Variants in FRMD8 observed in about 807,000 individuals in gnomAD.
The protein encoded by FRMD8 is FERM domain containing 8.
Under a neutral mutation model 54.2 loss-of-function variants are expected in FRMD8, and 37 were observed. The ratio of observed to expected loss-of-function variants is 0.68; its 90% CI spans 0.53 to 0.90. FRMD8 has a LOEUF of 0.90. Among genes scored for constraint, FRMD8 ranks in the 40% least tolerant of loss-of-function variants. FRMD8 has a pLI of 0.00. For synonymous variants in FRMD8, 246 were observed against 286.9 expected (o/e 0.86, Z 1.44); for missense variants, 585 against 653.7 (o/e 0.89, Z 1.15).
At chr11:65,371,006 G>A in the FRMD8 span, among the ~76,000 whole-genome samples, 1 of 152,210 alleles carries the variant, frequency 6.6e-6, no homozygotes, top group South Asian at 2.1e-4. Flanking sequence ...GCATCGGCCT[G>A]GGCTGGGAGC....
Position 65,393,569 on chromosome 11 carries a change from G to A in FRMD8, c.254-4G>A. The A allele has an allele frequency of 6.2e-7, 1 of 1,606,874 alleles. No individual in the cohort carries two copies. The highest frequency in any genetic ancestry group is 8.5e-7 in the Non-Finnish European group (1 of 1,179,364). The stretch of plus-strand genomic sequence containing the variant: ...CATGGGCCACTCCCCATCTCGTCCT[G>A]CAGAGGTGCAGCTGAAACCCAAGCA... On this transcript the variant is annotated splice_region_variant and splice_polypyrimidine_tract_variant and intron_variant, in intron 3 of 10. Transcript: ENST00000317568.
chr11:65,375,790 C>G, the FRMD8 span: 1 of 152,550 alleles, frequency 6.6e-6, no homozygotes, highest in Admixed American at 6.5e-5. Context: ...CAGCCGGGCG[C>G]GGTGGCTCAC....
Position 65,404,785 on chromosome 11 carries a change from G to C in FRMD8, c.1072-79G>C. On this transcript the variant is annotated intron_variant, in intron 9 of 10. Transcript: ENST00000317568. The surrounding 1 kb of genome is among the most constrained non-coding windows in gnomAD (Gnocchi z 4.7). ...CCCCTCCCCTGCTTCCCCAACCAGA[G>C]AGCAGAGCTCATTTCAGGCTCAGCA... The C allele has an allele frequency of 8.0e-7, 1 of 1,244,268 alleles. No homozygotes were observed. 77.1% of individuals were successfully genotyped at this position (1,244,268 alleles called of 1,614,324 possible).
intron 3 of FRMD8, among the ~76,000 whole-genome samples, chr11:65,390,554 TC>T (rs1855823277): frequency 2.0e-5 from 3 of 150,222 alleles, no homozygotes; most frequent in African/African-American, 7.3e-5. Flanking sequence ...CATCCTTCTC[TC>T]CACCCCCTCC....
upstream of FRMD8, among the ~76,000 whole-genome samples, chr11:65,384,775 C>T (rs1037156277): frequency 3.3e-4 from 51 of 152,268 alleles, no homozygotes; most frequent in African/African-American, 1.2e-3. Context: ...CAGGATGGCG[C>T]TATCAGAGCT....
intron 6 of FRMD8, 95 bp from the exon 7 acceptor site, chr11:65,396,704 T>C (rs1855962304): frequency 1.3e-6 from 1 of 743,634 alleles, no homozygotes; most frequent in Non-Finnish European, 2.0e-6. Context: ...TAGATGTGTG[T>C]CTGCTTCCTC....
In FRMD8 at chr11:65,396,950, G is replaced by C. The variant is rs562393260; in HGVS notation, c.733G>C (p.Gly245Arg). The change falls in exon 7 of 11, where the codon GGG (glycine) becomes CGG (arginine). Residue 245 changes from glycine to arginine, a missense_variant. Gly to Arg is a moderately radical substitution (Grantham distance 125, BLOSUM62 -2). Transcript: ENST00000317568. ...GGTGCAGGAGGTCAGCAGCGACGGC[G>C]GGTGCGAGGCCGCCCTGGGCACCCA... is the stretch of plus-strand genomic sequence containing the variant. ...RQVQEVSSDG[G>R]CEAALGTHYR... 2 of 1,525,756 alleles carry C rather than the reference G, an allele frequency of 1.3e-6. No individual in the cohort carries two copies. The highest frequency in any genetic ancestry group is 1.8e-6 in the Non-Finnish European group (2 of 1,134,428). The allele number at this position is 1,525,756 out of a possible 1,614,324, so 94.5% of individuals were successfully genotyped here. A position where few individuals can be genotyped will look rare whatever the true frequency, so the allele number is the denominator to read the frequency against.
chr11:65,369,300 T>C, the FRMD8 span, among the ~76,000 whole-genome samples: 2 of 151,758 alleles, frequency 1.3e-5, no homozygotes, highest in Admixed American at 6.6e-5. Flanking sequence ...AGAGGGCATG[T>C]GCGGCTGGGC....
chr11:65,396,936 T>C lies in FRMD8; in HGVS notation c.719T>C (p.Val240Ala). 6.5e-7 allele frequency: 1 copy of C among 1,542,730 alleles called. No homozygotes were observed. Among genetic ancestry groups the C allele is most frequent in the African/African-American group, 1.4e-5 (1 of 72,516 alleles). The part of the protein sequence containing the change: ...LLNAYRQVQE[V>A]SSDGGCEAAL... Reference sequence around the variant, plus strand: ...AACGCCTACCGCCAGGTGCAGGAGGTCAGCAGCGACGGCGGGTGCGAGGCC... The same window carrying C: ...AACGCCTACCGCCAGGTGCAGGAGGCCAGCAGCGACGGCGGGTGCGAGGCC... The change falls in exon 7 of 11, where the codon GTC becomes GCC. Residue 240 changes from valine to alanine, a missense_variant. Val to Ala is a moderately conservative substitution (Grantham distance 64). Transcript: ENST00000317568.
the FRMD8 span, chr11:65,375,746 A>C: frequency 6.6e-6 from 1 of 152,416 alleles, no homozygotes; most frequent in African/African-American, 2.4e-5. Context: ...GGACTCTCAG[A>C]AGTGGAGTCT....
At chr11:65,399,422 C>T (rs889573721) in intron 7 of FRMD8, among the ~76,000 whole-genome samples, 1 of 152,172 alleles carries the variant, frequency 6.6e-6, no homozygotes, top group Non-Finnish European at 1.5e-5. Flanking sequence ...CCTCCAGCAG[C>T]CCTGGCCCCC....
chr11:65,380,091 G>A, the FRMD8 span: 2,210 of 1,600,840 alleles, frequency 1.4e-3, 3 homozygotes, highest in Non-Finnish European at 1.7e-3. Context: ...ATTTGGGTCA[G>A]GTGAGATCTT....
At chr11:65,406,114 G>A (rs1318248945) in intron 10 of FRMD8, among the ~76,000 whole-genome samples, 4 of 150,002 alleles carry the variant, frequency 2.7e-5, no homozygotes, top group East Asian at 2.0e-4. Flanking sequence ...TGCAACCTCC[G>A]CCTCCCCAGT....
At chr11:65,410,533 G>C (rs1419341658) in intron 10 of FRMD8, among the ~76,000 whole-genome samples, 1 of 151,940 alleles carries the variant, frequency 6.6e-6, no homozygotes, top group Non-Finnish European at 1.5e-5. Context: ...GCTCACGCCT[G>C]TAATCCCAGC....
intron 8 of FRMD8, 49 bp downstream of exon 8, chr11:65,399,908 G>A (rs945714997): frequency 1.3e-6 from 2 of 1,576,240 alleles, no homozygotes; most frequent in Admixed American, 3.6e-5. Flanking sequence ...GGGGGCTCCT[G>A]ACTCAGGTCT....
At chr11:65,386,294 G>A (rs1855728614), upstream of FRMD8, among the ~76,000 whole-genome samples, 2 of 152,168 alleles carry the variant, frequency 1.3e-5, no homozygotes, top group South Asian at 2.1e-4. Flanking sequence ...AGCGCCGCAT[G>A]GATCCCTGGC....
chr11:65,382,417 G>T (rs1018810707), upstream of FRMD8: 70 of 192,628 alleles, frequency 3.6e-4, no homozygotes, highest in East Asian at 2.8e-3. The surrounding 1 kb of genome is among the most constrained non-coding windows in gnomAD (Gnocchi z 4.4). Flanking sequence ...GGCCACCAGG[G>T]GGTAGGCCCA....
At chr11:65,391,980 CCA>C (rs1366464914) in intron 3 of FRMD8, among the ~76,000 whole-genome samples, 1 of 152,186 alleles carries the variant, frequency 6.6e-6, no homozygotes, top group Non-Finnish European at 1.5e-5. Flanking sequence ...CTTTGAGTTC[CCA>C]GACAGAGAGA....
At chr11:65,410,517 G>A (rs1242929611) in intron 10 of FRMD8, among the ~76,000 whole-genome samples, 2 of 144,094 alleles carry the variant, frequency 1.4e-5, no homozygotes, top group African/African-American at 2.6e-5. Flanking sequence ...AAGGCCGGGC[G>A]CAGTGGCTCA....
Sources: gnomAD v4.1 joint callset for allele counts (sites outside exome capture counted in the v4.1 genomes callset) on GRCh38, gnomAD v4.1.1 for gene constraint, Gnocchi (gnomAD v3.1) non-coding constraint, MANE v1.5 for transcripts, NCBI Gene and HGNC (gene_info 2026-07-23, HGNC 2026-07-21) for gene names.